The following CCDC167 variants were observed in gnomAD, a reference collection of about 807,000 sequenced individuals.
CCDC167 encodes the protein coiled-coil domain-containing protein 167.
CCDC167 carries 15 observed loss-of-function variants against 12.7 expected under a neutral mutation model. The observed-to-expected ratio is 1.18, with a 90% CI of 0.79 to 1.81. The LOEUF (loss-of-function observed/expected upper bound fraction) is 1.81. CCDC167 is among the 40% of genes most tolerant of loss of function. The pLI is 0.00. For synonymous variants in CCDC167, 52 were observed against 49.0 expected (o/e 1.06, Z -0.26); for missense variants, 121 against 120.1 (o/e 1.01, Z -0.03).
In CCDC167 at chr6:37,495,914, C is replaced by T. The variant is rs80224113; in HGVS notation, c.42+3908G>A. On this transcript the variant is annotated intron_variant, in intron 1 of 3. Coordinates refer to ENST00000373408, the MANE Select transcript of CCDC167 (RefSeq NM_138493.3). The stretch of plus-strand genomic sequence containing the variant: ...TCAGTGCACATTCAATACTCAGACC[C>T]GCTGGGGGCAACTGAGAAGCAAGGT... Among the ~76,000 whole-genome samples the T allele has an allele frequency of 1.1e-3, 166 of 152,290 alleles. 2 individuals are homozygous for T. In the East Asian group the frequency reaches 0.029, roughly 27 times the overall value.
At chr6:37,498,515 TAAA>T (rs34494456) in intron 1 of CCDC167, among the ~76,000 whole-genome samples, 1 of 145,734 alleles carries the variant, frequency 6.9e-6, no homozygotes, top group Non-Finnish European at 1.5e-5. Flanking sequence ...GTGTGGCTTG[TAAA>T]AAAAAAAAAA....
Position 37,483,284 on chromosome 6 carries a change from C to G in CCDC167, c.196G>C (p.Glu66Gln). 6.2e-7 allele frequency: 1 copy of G among 1,611,504 alleles called. No homozygotes were observed. Among genetic ancestry groups the G allele is most frequent in the South Asian group, 1.1e-5 (1 of 91,004 alleles). Reference sequence around the variant, plus strand: ...TTCTCTTGCCGAAGAAACTTCAGTTCCTTCTCTGGGAGGAAAGAGGGTGAT... The same window carrying G: ...TTCTCTTGCCGAAGAAACTTCAGTTGCTTCTCTGGGAGGAAAGAGGGTGAT... ...LMNKASNYEK[E>Q]LKFLRQENRK... is the part of the protein sequence containing the mutation. The change falls in exon 4 of 4, where the codon GAA (glutamate) becomes CAA (glutamine). Residue 66 changes from glutamate to glutamine, a missense_variant. Transcript: ENST00000373408.
chr6:37,485,027 TG>T (rs1033564596), intron 2 of CCDC167, 72 bp downstream of exon 2: 7 of 1,285,610 alleles, frequency 5.4e-6, no homozygotes, highest in Non-Finnish European at 7.4e-6. Context: ...AGGCCTACTT[TG>T]GGGGACCCAG....
intron 1 of CCDC167, among the ~76,000 whole-genome samples, chr6:37,488,781 G>T (rs1487713573): frequency 1.3e-5 from 2 of 152,236 alleles, no homozygotes; most frequent in African/African-American, 2.4e-5. Flanking sequence ...AGTTTTGTGA[G>T]GATGACATGG....
intron 1 of CCDC167, among the ~76,000 whole-genome samples, chr6:37,497,544 GTCGGGGA>G (rs1762113605): frequency 6.6e-6 from 1 of 150,808 alleles, no homozygotes; most frequent in South Asian, 2.1e-4. Context: ...GGGGTCGGGG[GTCGGGGA>G]TCGGGGGCAC....
At chr6:37,499,708 G>T in intron 1 of CCDC167, 114 bp downstream of exon 1, 2 of 1,187,474 alleles carry the variant, frequency 1.7e-6, no homozygotes, top group Non-Finnish European at 2.5e-6. Context: ...AAACCGCGTC[G>T]CCCTCTCATC....
At chr6:37,490,226 AG>A (rs1450289495) in intron 1 of CCDC167, among the ~76,000 whole-genome samples, 1 of 152,162 alleles carries the variant, frequency 6.6e-6, no homozygotes, top group Non-Finnish European at 1.5e-5. Flanking sequence ...TGAGCGGTCC[AG>A]GGGCCCAAGG....
chr6:37,497,901 AAAAC>A (rs1762118373), intron 1 of CCDC167, among the ~76,000 whole-genome samples: 1 of 152,132 alleles, frequency 6.6e-6, no homozygotes, highest in Non-Finnish European at 1.5e-5. Flanking sequence ...GAGAATGAAA[AAAAC>A]AAAACAAAAC....
At chr6:37,485,607 C>T (rs1400482731) in intron 1 of CCDC167, among the ~76,000 whole-genome samples, 1 of 152,232 alleles carries the variant, frequency 6.6e-6, no homozygotes, top group African/African-American at 2.4e-5. Context: ...CGGGCGTATC[C>T]TAGAGTGGCG....
chr6:37,490,145 T>C (rs1761998882), intron 1 of CCDC167, among the ~76,000 whole-genome samples: 1 of 152,210 alleles, frequency 6.6e-6, no homozygotes. Flanking sequence ...GAACCCACTG[T>C]CAGCCAGCAC....
In CCDC167 at chr6:37,486,757, A is replaced by G. The variant is rs556946355; in HGVS notation, c.43-1563T>C. On this transcript the variant is annotated intron_variant, in intron 1 of 3. Coordinates refer to ENST00000373408, the MANE Select transcript of CCDC167 (RefSeq NM_138493.3). Reference sequence around the variant, plus strand: ...GATGGGGCTGTCCCTGGGGAGGCCAAAGGCCTACCTAGAACCTGTGCAGCA... The same window carrying G: ...GATGGGGCTGTCCCTGGGGAGGCCAGAGGCCTACCTAGAACCTGTGCAGCA... Among the ~76,000 whole-genome samples the G allele has an allele frequency of 2.0e-5, 3 of 152,326 alleles. No individual in the cohort carries two copies. The South Asian group carries it at 6.2e-4, about 32-fold the overall frequency.
intron 1 of CCDC167, among the ~76,000 whole-genome samples, chr6:37,496,310 G>A (rs1194619032): frequency 6.6e-6 from 1 of 152,120 alleles, no homozygotes; most frequent in African/African-American, 2.4e-5. Flanking sequence ...GTGCACGCCT[G>A]TAGTCTCAGC....
At chr6:37,494,873 C>T (rs1189658019) in intron 1 of CCDC167, among the ~76,000 whole-genome samples, 2 of 140,346 alleles carry the variant, frequency 1.4e-5, no homozygotes, top group African/African-American at 5.4e-5. Flanking sequence ...GATCTTGGCT[C>T]ACTGCAACCT....
chr6:37,499,865 T>A lies in CCDC167; in HGVS notation c.-2A>T. ...ATTCTCCCGCTTCTTTTTAGTCATG[T>A]TACTTGCCGGGATCCCCCAGTCATC... is the stretch of plus-strand genomic sequence containing the variant. On this transcript the variant is annotated 5_prime_UTR_variant, in exon 1 of 4. Coordinates refer to ENST00000373408, the MANE Select transcript of CCDC167 (RefSeq NM_138493.3). 1 of 1,614,198 alleles carries A rather than the reference T, an allele frequency of 6.2e-7. No homozygotes were observed. Among genetic ancestry groups the A allele is most frequent in the Non-Finnish European group, 8.5e-7 (1 of 1,180,028 alleles).
At chr6:37,486,588 A>T (rs1025936555) in intron 1 of CCDC167, among the ~76,000 whole-genome samples, 2 of 152,060 alleles carry the variant, frequency 1.3e-5, no homozygotes, top group Admixed American at 6.5e-5. Context: ...CAGCCCCACC[A>T]TGGCCACCTC....
chr6:37,483,205 T>C lies in CCDC167; in HGVS notation c.275A>G (p.Tyr92Cys), dbSNP rs764135458. 15 of 1,613,882 alleles carry C rather than the reference T, an allele frequency of 9.3e-6. No homozygotes were observed. The South Asian group carries it at 1.1e-4, about 12-fold the overall frequency. ...VAIFILLTLV[Y>C]AYWTM ...CCAGGCTCACATGGTCCAGTAGGCA[T>C]AGACGAGCGTCAGGAGGATAAAGAT... The change falls in exon 4 of 4, where the codon TAT (tyrosine) becomes TGT (cysteine). Residue 92 changes from tyrosine to cysteine, a missense_variant. Physicochemically the swap from Tyr to Cys is radical, Grantham distance 194 (BLOSUM62 -2). Coordinates refer to ENST00000373408, the MANE Select transcript of CCDC167 (RefSeq NM_138493.3).
At chr6:37,496,602 T>C (rs1039295658) in intron 1 of CCDC167, among the ~76,000 whole-genome samples, 2 of 152,206 alleles carry the variant, frequency 1.3e-5, no homozygotes, top group African/African-American at 4.8e-5. Flanking sequence ...GACTTAGCCA[T>C]GGTGGAAGGA....
chr6:37,484,969 G>C, intron 2 of CCDC167, 107 bp from the exon 3 acceptor site: 16 of 1,482,554 alleles, frequency 1.1e-5, no homozygotes, highest in Non-Finnish European at 1.3e-5. Context: ...GGCGGCAGGG[G>C]GGGTGTGCAC....
At chr6:37,499,068 A>G (rs1413423212) in intron 1 of CCDC167, among the ~76,000 whole-genome samples, 1 of 152,196 alleles carries the variant, frequency 6.6e-6, no homozygotes, top group African/African-American at 2.4e-5. Context: ...AATTTCCAGG[A>G]AGACCACCTG....
Sources: gnomAD v4.1 joint callset for allele counts (sites outside exome capture counted in the v4.1 genomes callset) on GRCh38, gnomAD v4.1.1 for gene constraint, MANE v1.5 for transcripts, NCBI Gene and HGNC (gene_info 2026-07-23, HGNC 2026-07-21) for gene names.